The following FRYL variants were observed in gnomAD, a reference collection of about 807,000 sequenced individuals.
FRYL encodes the protein FRY like transcription coactivator.
A neutral mutation model predicts 351.2 loss-of-function variants in FRYL; 150 were observed. The ratio of observed to expected loss-of-function variants is 0.43; its 90% confidence interval spans 0.37 to 0.49. The LOEUF is 0.49. Among genes scored for constraint, FRYL ranks in the 20% least tolerant of loss-of-function variants. The probability of loss-of-function intolerance (pLI) is 0.00; values close to 1 mark genes in which losing one functional copy is unlikely to be tolerated. For missense variants in FRYL, 3,036 were observed against 3,619.3 expected (o/e 0.84, Z 4.13); for synonymous variants, 1,153 against 1,257.1 (o/e 0.92, Z 1.75).
chr4:48,614,888 G>A (rs1398645595), intron 7 of FRYL, among the ~76,000 whole-genome samples: 5 of 125,552 alleles, frequency 4.0e-5, no homozygotes, highest in Middle Eastern at 6.2e-3. Flanking sequence ...GTGCAGTGGC[G>A]CGATCTCGGC....
intron 1 of FRYL, among the ~76,000 whole-genome samples, chr4:48,732,998 G>A (rs1314766717): frequency 1.1e-4 from 16 of 151,870 alleles, no homozygotes; most frequent in African/African-American, 1.7e-4. Flanking sequence ...AGAAAAGGCC[G>A]GGTGTGGTGG....
At chr4:48,748,700 T>C (rs778392356) in intron 1 of FRYL, among the ~76,000 whole-genome samples, 9 of 152,296 alleles carry the variant, frequency 5.9e-5, no homozygotes, top group Admixed American at 1.3e-4. Flanking sequence ...AGTTGAGATG[T>C]ATCAATGAAC....
At chr4:48,745,591 C>A (rs557208075) in intron 1 of FRYL, among the ~76,000 whole-genome samples, 1 of 150,756 alleles carries the variant, frequency 6.6e-6, no homozygotes, top group South Asian at 2.1e-4. Flanking sequence ...CATCACACAC[C>A]GGGGCCTGTT....
At chr4:48,572,175 A>G (rs531115510) in intron 26 of FRYL, among the ~76,000 whole-genome samples, 2 of 152,256 alleles carry the variant, frequency 1.3e-5, no homozygotes, top group South Asian at 2.1e-4. Flanking sequence ...TGATTCCCAA[A>G]CAATGTTCTA....
chr4:48,721,876 G>A (rs1341053711), intron 1 of FRYL, among the ~76,000 whole-genome samples: 1 of 152,134 alleles, frequency 6.6e-6, no homozygotes, highest in Non-Finnish European at 1.5e-5. Context: ...CTGACCTTAG[G>A]TGATCCACCT....
In FRYL at chr4:48,557,567, G is replaced by T. The variant is rs765638359; in HGVS notation, c.4011C>A (p.Ser1337=). 1 of 1,614,010 alleles carries T rather than the reference G, an allele frequency of 6.2e-7. No individual in the cohort carries two copies. Among genetic ancestry groups the T allele is most frequent in the Non-Finnish European group, 8.5e-7 (1 of 1,180,032 alleles). ...TCACCATAAGTTCTCGGTCTTTTAA[G>T]GAATCATCTTCATCTTCATCATGTC... ...ARRHDEDEDD[S]LKDRELMVTS... Residue 1337 remains serine (S), a synonymous_variant, in exon 34 of 64, where the codon TCC becomes TCA. Transcript: ENST00000358350.
At chr4:48,701,150 T>C (rs1766672868) in intron 2 of FRYL, among the ~76,000 whole-genome samples, 1 of 152,234 alleles carries the variant, frequency 6.6e-6, no homozygotes, top group African/African-American at 2.4e-5. Flanking sequence ...TAGTTTCTAC[T>C]ATATTTCAGA....
At position 48,561,524 on chromosome 4, in the gene FRYL, T is replaced by C; in HGVS notation, c.3809A>G (p.Gln1270Arg). 6.2e-7 allele frequency: 1 copy of C among 1,611,632 alleles called. No homozygotes were observed. Among genetic ancestry groups the C allele is most frequent in the Non-Finnish European group, 8.5e-7 (1 of 1,178,428 alleles). The change falls in exon 33 of 64, where the codon CAG (glutamine) becomes CGG (arginine). Residue 1270 changes from glutamine (Q) to arginine (R), a missense_variant. Gln to Arg is a conservative substitution (Grantham distance 43). Transcript: ENST00000358350. ...LPHLYSVSYY[Q>R]LSEELARAYP... ...CGCCCTTGCTAGTTCCTCGGACAACTGATAATATGAAACAGAATAGAGATG... is the reference window on the plus strand; with the variant it reads ...CGCCCTTGCTAGTTCCTCGGACAACCGATAATATGAAACAGAATAGAGATG...
rs767283922 is a variant in FRYL, at chr4:48,603,308, C to T, written c.915G>A (p.Ser305=). 12 of 1,607,598 alleles carry T rather than the reference C, an allele frequency of 7.5e-6. No homozygotes were observed. Among genetic ancestry groups the T allele is most frequent in the African/African-American group, 2.7e-5 (2 of 74,648 alleles). ...MLYQTTFELS[S]RKKHSLALYP... Reference sequence around the variant, plus strand: ...TTAATACCAATGAATGCTTCTTTCTCGAGCTCAGTTCAAAAGTAGTCTGAT... The same window carrying T: ...TTAATACCAATGAATGCTTCTTTCTTGAGCTCAGTTCAAAAGTAGTCTGAT... The change falls in exon 12 of 64, where the codon TCG becomes TCA. Residue 305 remains serine, a synonymous_variant. Coordinates refer to ENST00000358350, the MANE Select transcript of FRYL (RefSeq NM_015030.2).
chr4:48,600,707 A>G (rs1745521861), intron 13 of FRYL, among the ~76,000 whole-genome samples: 1 of 152,216 alleles, frequency 6.6e-6, no homozygotes, highest in Admixed American at 6.5e-5. Flanking sequence ...AAATATTTTA[A>G]TGAACGTATG....
In FRYL at chr4:48,575,235, C is replaced by A. The variant is rs750717507; in HGVS notation, c.2728G>T (p.Gly910Cys). 1.9e-6 allele frequency: 3 copies of A among 1,611,518 alleles called. No homozygotes were observed. The highest frequency in any genetic ancestry group is 1.1e-5 in the South Asian group (1 of 90,712). ...AACAAGGATGAAGGGGATGGGATGC[C>A]AATAATCTGGAAAAAAAATATCGTA... is the stretch of plus-strand genomic sequence containing the variant. ...SGYSIDSKII[G>C]IPSPSSLFKH... Residue 910 changes from glycine to cysteine, a missense_variant, in exon 25 of 64, where the codon GGC becomes TGC. Transcript: ENST00000358350.
Position 48,586,741 on chromosome 4 carries a change from A to G in FRYL, c.1641-13T>C, listed in dbSNP as rs1200156920. The G allele has an allele frequency of 1.3e-6, 2 of 1,522,274 alleles. No individual in the cohort carries two copies. The highest frequency in any genetic ancestry group is 1.7e-5 in the Admixed American group (1 of 57,592). 94.3% of individuals were successfully genotyped at this position (1,522,274 alleles called of 1,614,324 possible). A position where few individuals can be genotyped will look rare whatever the true frequency, so the allele number is the denominator to read the frequency against. ...TTTTCTTTCCCCCCTGAAAAATACA[A>G]CAGGATTTAATAAGAAACATATTAC... On this transcript the variant is annotated splice_polypyrimidine_tract_variant and intron_variant, in intron 18 of 63. Coordinates refer to ENST00000358350, the MANE Select transcript of FRYL (RefSeq NM_015030.2).
chr4:48,557,203 A>C, intron 34 of FRYL, 85 bp from the exon 35 acceptor site: 1 of 1,481,366 alleles, frequency 6.8e-7, no homozygotes, highest in Non-Finnish European at 9.1e-7. Context: ...ATATTAAAAA[A>C]TGTTTTGTAC....
At chr4:48,676,638 G>A (rs1763741679) in intron 3 of FRYL, among the ~76,000 whole-genome samples, 2 of 150,922 alleles carry the variant, frequency 1.3e-5, no homozygotes, top group South Asian at 4.2e-4. Context: ...TGATCCGCCC[G>A]CCTCGGCCTC....
At chr4:48,708,309 A>T (rs1163382009) in intron 2 of FRYL, among the ~76,000 whole-genome samples, 6 of 444 alleles carry the variant, frequency 0.014, no homozygotes, top group East Asian at 0.25. Flanking sequence ...TAAATAAATA[A>T]AAATAAAATT....
At chr4:48,508,109 T>C (rs1419595940) in intron 59 of FRYL, among the ~76,000 whole-genome samples, 1 of 152,230 alleles carries the variant, frequency 6.6e-6, no homozygotes, top group Non-Finnish European at 1.5e-5. Flanking sequence ...AACATAGCCA[T>C]GGACAATATG....
intron 57 of FRYL, among the ~76,000 whole-genome samples, chr4:48,511,779 C>T (rs999544490): frequency 4.6e-5 from 7 of 152,110 alleles, no homozygotes; most frequent in Admixed American, 2.0e-4. Flanking sequence ...GGGAAGGCTT[C>T]GGTAAGAAAA....
chr4:48,777,404 G>C (rs1021545706), intron 1 of FRYL, among the ~76,000 whole-genome samples: 4 of 152,130 alleles, frequency 2.6e-5, no homozygotes, highest in African/African-American at 7.2e-5. Flanking sequence ...GCCTTTACAG[G>C]ACATTATCTT....
chr4:48,499,808 A>T, intron 63 of FRYL, 128 bp from the exon 64 acceptor site: 2 of 953,258 alleles, frequency 2.1e-6, no homozygotes, highest in Non-Finnish European at 3.1e-6. Flanking sequence ...ATATTTGAGC[A>T]AATATTACTC....
Sources: gnomAD v4.1 joint callset for allele counts (sites outside exome capture counted in the v4.1 genomes callset) on GRCh38, gnomAD v4.1.1 for gene constraint, MANE v1.5 for transcripts, NCBI Gene and HGNC (gene_info 2026-07-23, HGNC 2026-07-21) for gene names.